Variants in NPSR1 observed in about 807,000 individuals in gnomAD.
The protein encoded by NPSR1 is neuropeptide S receptor 1, also known as neuropeptide S receptor.
NPSR1 carries 48 observed loss-of-function variants against 46.9 expected under a neutral mutation model. That is an observed-to-expected ratio of 1.02 (90% CI 0.81 to 1.30). The LOEUF is 1.30. NPSR1 is among the 50% of genes most tolerant of loss of function. NPSR1 has a pLI of 0.00. For synonymous variants in NPSR1, 176 were observed against 168.1 expected, an observed-to-expected ratio of 1.05 and a Z score of -0.36; for missense variants, 450 against 449.5, an observed-to-expected ratio of 1.00 and a Z score of -0.01.
At chr7:34,700,569 TACG>T (rs2128695561) in intron 2 of NPSR1, among the ~76,000 whole-genome samples, 1 of 152,326 alleles carries the variant, frequency 6.6e-6, no homozygotes, top group South Asian at 2.1e-4. Flanking sequence ...ATCAGGGAGA[TACG>T]ACTTCACACC....
chr7:34,802,375 T>A (rs1384846588), intron 3 of NPSR1, among the ~76,000 whole-genome samples: 1 of 149,784 alleles, frequency 6.7e-6, no homozygotes, highest in Non-Finnish European at 1.5e-5. Flanking sequence ...GAGATATAGA[T>A]CAATGGAACA....
rs324981 is a variant in NPSR1 at position 34,778,501 on chromosome 7, A to T, written c.320A>T (p.Asn107Ile). The change falls in exon 3 of 9, where the codon AAT becomes ATT. Residue 107 changes from asparagine (N) to isoleucine (I), a missense_variant. Coordinates refer to ENST00000360581, the MANE Select transcript of NPSR1 (RefSeq NM_207172.2). Reference protein sequence around the residue: ...TGLVNILTDINWRFTGDFTAP... With the variant: ...TGLVNILTDIIWRFTGDFTAP... ...CTGGTCAACATCTTGACAGATATTA[A>T]TTGGCGATTCACTGGAGACTTCACG... is the stretch of plus-strand genomic sequence containing the variant. 0.45 allele frequency: 723,701 copies of T among 1,609,296 alleles called. 165,204 individuals carry two copies. Among genetic ancestry groups the T allele is most frequent in the African/African-American group, 0.54 (40,532 of 74,752 alleles).
chr7:34,824,953 T>C (rs1376967672), intron 4 of NPSR1, among the ~76,000 whole-genome samples: 1 of 152,040 alleles, frequency 6.6e-6, no homozygotes, highest in African/African-American at 2.4e-5. Flanking sequence ...CTCCCACTGC[T>C]TCTCTCCACG....
At chr7:34,659,810 C>T (rs930771026) in intron 1 of NPSR1, among the ~76,000 whole-genome samples, 2 of 152,166 alleles carry the variant, frequency 1.3e-5, no homozygotes, top group African/African-American at 4.8e-5. Flanking sequence ...ATGAAATCAG[C>T]CTGCAGACCC....
Position 34,658,362 on chromosome 7 carries a change from C to T in NPSR1, c.-51C>T. The T allele has an allele frequency of 6.2e-7, 1 of 1,604,482 alleles. No individual in the cohort carries two copies. Among genetic ancestry groups the T allele is most frequent in the South Asian group, 1.1e-5 (1 of 89,784 alleles). On this transcript the variant is annotated 5_prime_UTR_variant, in exon 1 of 9. Coordinates refer to ENST00000360581, the MANE Select transcript of NPSR1 (RefSeq NM_207172.2). ...AGCTCTCAGGAGGCAAGCTGGACTC[C>T]CTCACTCAGCTGCAGGAGCAAGGAC...
intron 2 of NPSR1, among the ~76,000 whole-genome samples, chr7:34,729,160 C>A (rs940827739): frequency 1.3e-5 from 2 of 152,138 alleles, no homozygotes; most frequent in African/African-American, 4.8e-5. Flanking sequence ...CGTTTGAGAA[C>A]CTCACAAAGG....
In NPSR1 at chr7:34,811,964, T is replaced by C. The variant is rs545032596; in HGVS notation, c.478+101T>C. ...TTACTCTTAATAATAGTGATCTTCC[T>C]CCTCTTTCCTTCTCTTTCTTCTCTC... is the stretch of plus-strand genomic sequence containing the variant. On this transcript the variant is annotated intron_variant, in intron 4 of 8. Coordinates refer to ENST00000360581, the MANE Select transcript of NPSR1 (RefSeq NM_207172.2). 8.4e-4 allele frequency: 607 copies of C among 724,516 alleles called. 6 individuals are homozygous for C. The highest frequency in any genetic ancestry group is 3.5e-3 in the South Asian group (204 of 58,846). 44.9% of individuals were successfully genotyped at this position (724,516 alleles called of 1,614,324 possible). A position where few individuals can be genotyped will look rare whatever the true frequency, so the allele number is the denominator to read the frequency against.
intron 3 of NPSR1, among the ~76,000 whole-genome samples, chr7:34,802,464 G>A (rs1788470601): frequency 6.7e-6 from 1 of 150,274 alleles, no homozygotes; most frequent in Non-Finnish European, 1.5e-5. Flanking sequence ...AAGCAATGGG[G>A]AAAGGATTCC....
At chr7:34,676,807 G>A (rs1458960997) in intron 1 of NPSR1, among the ~76,000 whole-genome samples, 1 of 152,110 alleles carries the variant, frequency 6.6e-6, no homozygotes, top group African/African-American at 2.4e-5. Flanking sequence ...GCCCGGGGAG[G>A]CTTCCTATGT....
chr7:34,728,799 C>T (rs370771334), intron 2 of NPSR1: 1 of 152,608 alleles, frequency 6.6e-6, no homozygotes, highest in Non-Finnish European at 1.5e-5. Context: ...TGTCTCCCTG[C>T]GTTTCTTCTC....
At chr7:34,765,849 T>C (rs536994246) in intron 2 of NPSR1, among the ~76,000 whole-genome samples, 2 of 152,212 alleles carry the variant, frequency 1.3e-5, no homozygotes, top group East Asian at 3.9e-4. Flanking sequence ...GAGTTAAACC[T>C]TGGATACACA....
chr7:34,743,296 C>T (rs187288213), intron 2 of NPSR1, among the ~76,000 whole-genome samples: 129 of 152,248 alleles, frequency 8.5e-4, no homozygotes, highest in East Asian at 1.9e-4. Context: ...ACATTTAAAT[C>T]TTTAATCCAT....
chr7:34,862,856 A>G (rs1172555248), intron 8 of NPSR1, among the ~76,000 whole-genome samples: 2 of 151,672 alleles, frequency 1.3e-5, no homozygotes, highest in African/African-American at 4.9e-5. Context: ...TCTCAAAACT[A>G]TCTAGTTTGG....
intron 2 of NPSR1, among the ~76,000 whole-genome samples, chr7:34,712,817 GTTTCC>G: frequency 6.6e-6 from 1 of 152,304 alleles, no homozygotes; most frequent in South Asian, 2.1e-4. Flanking sequence ...TCTGTCTGCA[GTTTCC>G]TTTCTTCTGT....
intron 3 of NPSR1, among the ~76,000 whole-genome samples, chr7:34,810,198 A>G (rs1788913232): frequency 6.6e-6 from 1 of 152,234 alleles, no homozygotes; most frequent in African/African-American, 2.4e-5. Flanking sequence ...TTAGACTTCA[A>G]TCTACAAGTT....
intron 2 of NPSR1, among the ~76,000 whole-genome samples, chr7:34,776,759 G>A (rs1420022417): frequency 6.6e-6 from 1 of 152,128 alleles, no homozygotes; most frequent in Non-Finnish European, 1.5e-5. Flanking sequence ...TGAGCCCAGG[G>A]ACTCTTTAGT....
At chr7:34,779,320 T>G (rs1021002330) in intron 3 of NPSR1, among the ~76,000 whole-genome samples, 9 of 151,982 alleles carry the variant, frequency 5.9e-5, no homozygotes, top group Non-Finnish European at 1.3e-4. Flanking sequence ...GGTATTAGGT[T>G]TGATGTGCTG....
At chr7:34,723,875 T>C (rs973697504) in intron 2 of NPSR1, among the ~76,000 whole-genome samples, 3 of 152,174 alleles carry the variant, frequency 2.0e-5, no homozygotes, top group African/African-American at 7.2e-5. Flanking sequence ...AATATGAATG[T>C]TTGTTACCAT....
chr7:34,799,600 C>A (rs1358386570), intron 3 of NPSR1, among the ~76,000 whole-genome samples: 1 of 150,104 alleles, frequency 6.7e-6, no homozygotes, highest in Non-Finnish European at 1.5e-5. Flanking sequence ...CGGTACCAGC[C>A]ACTGCAAAAC....
Sources: gnomAD v4.1 joint callset for allele counts (sites outside exome capture counted in the v4.1 genomes callset) on GRCh38, gnomAD v4.1.1 for gene constraint, MANE v1.5 for transcripts, NCBI Gene and HGNC (gene_info 2026-07-23, HGNC 2026-07-21) for gene names.